The following HIP1 variants were observed in gnomAD, a reference collection of about 807,000 sequenced individuals.
HIP1 encodes huntingtin-interacting protein 1.
Under a neutral mutation model 147.6 loss-of-function variants are expected in HIP1, and 65 were observed. The observed-to-expected ratio is 0.44, with a 90% CI of 0.36 to 0.54. HIP1 has a LOEUF of 0.54. Among genes scored for constraint, HIP1 ranks in the 20% least tolerant of loss-of-function variants. The pLI, the probability that HIP1 is intolerant of heterozygous loss-of-function variation, is 0.00. For synonymous variants in HIP1, 479 were observed against 504.0 expected (o/e 0.95, Z 0.67); for missense variants, 1,061 against 1,299.6 (o/e 0.82, Z 2.82).
chr7:75,573,692 A>G, intron 8 of HIP1, 69 bp downstream of exon 8: 1 of 1,494,916 alleles, frequency 6.7e-7, no homozygotes, highest in African/African-American at 1.4e-5. Context: ...TTCTCTGGGG[A>G]CATCCTCAGG....
At chr7:75,574,035 T>C in intron 7 of HIP1, 134 bp from the exon 8 acceptor site, 3 of 662,446 alleles carry the variant, frequency 4.5e-6, no homozygotes, top group Middle Eastern at 6.3e-4. Flanking sequence ...CTAATTCATT[T>C]AACCTTCACA....
chr7:75,634,127 G>A (rs1554509313), intron 1 of HIP1, among the ~76,000 whole-genome samples: 1 of 152,042 alleles, frequency 6.6e-6, no homozygotes, highest in Non-Finnish European at 1.5e-5. Context: ...CATGGTGGTG[G>A]TGCCTGCCTG....
intron 5 of HIP1, among the ~76,000 whole-genome samples, chr7:75,585,271 G>A (rs999551419): frequency 3.4e-5 from 5 of 148,648 alleles, no homozygotes; most frequent in Non-Finnish European, 5.9e-5. Flanking sequence ...TGCAACCTCC[G>A]CCTCCCAGGT....
At chr7:75,704,483 A>G (rs1554519477) in intron 1 of HIP1, among the ~76,000 whole-genome samples, 1 of 152,146 alleles carries the variant, frequency 6.6e-6, no homozygotes, top group Non-Finnish European at 1.5e-5. Flanking sequence ...ACCTCAGGTG[A>G]TCCGCCTGCC....
intron 2 of HIP1, among the ~76,000 whole-genome samples, chr7:75,595,231 TCTTTCTTTCTTTCTTTCTTTCTTCCTTC>T (rs1401683105): frequency 4.7e-5 from 5 of 106,122 alleles, no homozygotes; most frequent in Non-Finnish European, 9.0e-5. Context: ...TTTCTTTCTT[TCTTTCTTTCTTTCTTTCTTTCTTCCTTC>T]CTTCCTTCCT....
At chr7:75,688,392 G>C (rs1340536541) in intron 1 of HIP1, among the ~76,000 whole-genome samples, 1 of 151,776 alleles carries the variant, frequency 6.6e-6, no homozygotes, top group Admixed American at 6.6e-5. Context: ...CCGGGTCCGG[G>C]CTCCCAGGGG....
intron 1 of HIP1, among the ~76,000 whole-genome samples, chr7:75,617,187 G>A (rs1797700794): frequency 6.7e-6 from 1 of 149,398 alleles, no homozygotes; most frequent in African/African-American, 2.5e-5. Flanking sequence ...CGATTCCCTT[G>A]TCTCAGCCTG....
At chr7:75,657,225 C>T (rs13246739) in intron 1 of HIP1, among the ~76,000 whole-genome samples, 62,905 of 152,036 alleles carry the variant, frequency 0.41, 13,578 homozygotes, top group Middle Eastern at 0.55. Flanking sequence ...TAGAATACTA[C>T]GTAGCCATAA....
chr7:75,704,002 C>G (rs1025645408), intron 1 of HIP1, among the ~76,000 whole-genome samples: 1 of 152,102 alleles, frequency 6.6e-6, no homozygotes, highest in South Asian at 2.1e-4. Context: ...CCAAGTTCCC[C>G]CAAGACTCAT....
chr7:75,735,314 T>C (rs1801981672), intron 1 of HIP1, among the ~76,000 whole-genome samples: 1 of 152,180 alleles, frequency 6.6e-6, no homozygotes, highest in Admixed American at 6.5e-5. Flanking sequence ...TTTCCAGCTG[T>C]GTGACTTCTG....
chr7:75,542,876 G>A lies in HIP1; in HGVS notation c.2865C>T (p.Ser955=), dbSNP rs202078874. 193 of 1,614,058 alleles carry A rather than the reference G, an allele frequency of 1.2e-4. 1 individual carries two copies. In the South Asian group the frequency reaches 1.3e-3, roughly 11 times the overall value. The change falls in exon 28 of 31, where the codon TCC becomes TCT. Residue 955 remains serine (S), a synonymous_variant. Coordinates refer to ENST00000336926, the MANE Select transcript of HIP1 (RefSeq NM_005338.7). ...CTGTCTCTTCGATCTGTGATTTGCC[G>A]GAAATGGTTGAGGCCACAACGCCGG... The part of the protein sequence containing the change: ...ATAGVVASTI[S]GKSQIEETDN...
intron 30 of HIP1, among the ~76,000 whole-genome samples, chr7:75,538,736 G>A (rs1794185698): frequency 1.3e-5 from 2 of 152,060 alleles, no homozygotes; most frequent in Admixed American, 1.3e-4. Context: ...CACCACGCCA[G>A]GCTAATTTTT....
intron 1 of HIP1, among the ~76,000 whole-genome samples, chr7:75,718,899 C>T (rs1376486759): frequency 6.6e-6 from 1 of 152,164 alleles, no homozygotes; most frequent in Non-Finnish European, 1.5e-5. Context: ...TCAGGGAGTT[C>T]CCACCATATA....
intron 1 of HIP1, among the ~76,000 whole-genome samples, chr7:75,638,557 GC>G: frequency 6.6e-6 from 1 of 152,244 alleles, no homozygotes; most frequent in East Asian, 1.9e-4. Context: ...TCTGCCAAGG[GC>G]TCCATTCCTG....
At chr7:75,724,723 T>G (rs1463967685) in intron 1 of HIP1, among the ~76,000 whole-genome samples, 1 of 152,064 alleles carries the variant, frequency 6.6e-6, no homozygotes, top group Non-Finnish European at 1.5e-5. Flanking sequence ...TGTGTGCCAG[T>G]AAGGAAGGTA....
At chr7:75,544,030 G>A (rs1178572248) in intron 27 of HIP1, among the ~76,000 whole-genome samples, 2 of 152,100 alleles carry the variant, frequency 1.3e-5, no homozygotes, top group African/African-American at 4.8e-5. Context: ...AAATTAGCTG[G>A]GCGTGGTGGC....
At chr7:75,649,102 G>A (rs1341223906) in intron 1 of HIP1, among the ~76,000 whole-genome samples, 2 of 151,948 alleles carry the variant, frequency 1.3e-5, no homozygotes, top group South Asian at 2.1e-4. Flanking sequence ...CCGGCTCACC[G>A]CAAACTCCGC....
rs1326508332 is a variant in HIP1 at position 75,697,811 on chromosome 7, C to CAAAAACA, written c.120+40983_120+40989dup. ...TGGGCGACAGAGCGAGACTCCGTCTCAAAAACAAAAAACAAAAAAGTTTCA... is the reference window on the plus strand; with the variant it reads ...TGGGCGACAGAGCGAGACTCCGTCTCAAAAACAAAAAACAAAAAACAAAAAAGTTTCA... On this transcript the variant is annotated intron_variant, in intron 1 of 30. Coordinates refer to ENST00000336926, the MANE Select transcript of HIP1 (RefSeq NM_005338.7). 7.9e-4 allele frequency among the ~76,000 whole-genome samples: 120 copies of CAAAAACA among 152,038 alleles called. 8 individuals carry two copies. Among genetic ancestry groups the CAAAAACA allele is most frequent in the Non-Finnish European group, 1.0e-4 (7 of 68,002 alleles).
chr7:75,601,439 A>C (rs1453632766), intron 1 of HIP1, among the ~76,000 whole-genome samples: 2 of 151,914 alleles, frequency 1.3e-5, no homozygotes, highest in Non-Finnish European at 2.9e-5. Context: ...AAATACAAAA[A>C]TTAGCTGGGC....
Sources: gnomAD v4.1 joint callset for allele counts (sites outside exome capture counted in the v4.1 genomes callset) on GRCh38, gnomAD v4.1.1 for gene constraint, MANE v1.5 for transcripts, NCBI Gene and HGNC (gene_info 2026-07-23, HGNC 2026-07-21) for gene names.